PHF3: variants seen among roughly 807,000 people sequenced by gnomAD.
The protein encoded by PHF3 is PHD finger protein 3.
A neutral mutation model predicts 178.4 loss-of-function variants in PHF3; 41 were observed. The ratio of observed to expected loss-of-function variants is 0.23; its 90% CI spans 0.18 to 0.30. The LOEUF (loss-of-function observed/expected upper bound fraction) is 0.30. PHF3 is among the 10% of genes least tolerant of loss of function. PHF3 has a pLI of 1.00. For missense variants in PHF3, 2,346 were observed against 2,398.1 expected, an observed-to-expected ratio of 0.98 and a Z score of 0.45; for synonymous variants, 842 against 800.5, an observed-to-expected ratio of 1.05 and a Z score of -0.88.
chr6:63,711,645 C>A lies in PHF3; in HGVS notation c.4057C>A (p.Arg1353=), dbSNP rs770279290. Residue 1353 remains arginine (R), a synonymous_variant, in exon 16 of 16, where the codon CGA becomes AGA. Coordinates refer to ENST00000262043, the MANE Select transcript of PHF3 (RefSeq NM_001370348.2). ...CTTAATTATTCGTCAGAAACTGAAGCGACAGCACAGTGCCTGTGCTAGTAC... is the reference window on the plus strand; with the variant it reads ...CTTAATTATTCGTCAGAAACTGAAGAGACAGCACAGTGCCTGTGCTAGTAC... The part of the protein sequence containing the change: ...LGLIIRQKLK[R]QHSACASTSH... 3 of 1,608,428 alleles carry A rather than the reference C, an allele frequency of 1.9e-6. No individual in the cohort carries two copies. The African/African-American group carries it at 4.0e-5, about 22-fold the overall frequency.
At chr6:63,656,597 C>T (rs1354859377) in intron 2 of PHF3, among the ~76,000 whole-genome samples, 2 of 152,140 alleles carry the variant, frequency 1.3e-5, no homozygotes, top group African/African-American at 4.8e-5. Flanking sequence ...TGCCCAGAGC[C>T]CCCTGAGTTT....
intron 4 of PHF3, among the ~76,000 whole-genome samples, chr6:63,687,235 C>G (rs553041976): frequency 1.5e-4 from 23 of 152,202 alleles, no homozygotes; most frequent in South Asian, 1.5e-3. Flanking sequence ...ACCAGCCTGG[C>G]CAACATGGTG....
intron 5 of PHF3, among the ~76,000 whole-genome samples, chr6:63,693,022 GTCATA>G (rs1767073360): frequency 6.6e-6 from 1 of 152,130 alleles, no homozygotes. Flanking sequence ...GTTCTAGTTT[GTCATA>G]TCCTTGTGGC....
chr6:63,718,803 TTTC>T lies in PHF3; in HGVS notation c.*5101_*5103del, dbSNP rs1348329020. On this transcript the variant is annotated 3_prime_UTR_variant, in exon 16 of 16. Transcript: ENST00000262043. The stretch of plus-strand genomic sequence containing the variant: ...TATGATGGGAGTGTGGTTCAGGCAG[TTTC>T]TTCTTTTGTAAGCTTTCATAAAACA... 4.6e-5 allele frequency among the ~76,000 whole-genome samples: 7 copies of T among 152,030 alleles called. No homozygotes were observed. The highest frequency in any genetic ancestry group is 8.8e-5 in the Non-Finnish European group (6 of 67,926).
chr6:63,674,605 T>G (rs1167896416), intron 2 of PHF3, among the ~76,000 whole-genome samples: 1 of 152,066 alleles, frequency 6.6e-6, no homozygotes, highest in Admixed American at 6.5e-5. Context: ...AAGTAGAGAC[T>G]GGTGATCTCC....
At chr6:63,676,695 G>A (rs1220836302) in intron 2 of PHF3, among the ~76,000 whole-genome samples, 3 of 152,200 alleles carry the variant, frequency 2.0e-5, no homozygotes, top group African/African-American at 4.8e-5. Flanking sequence ...TGGGCTTTAT[G>A]TCTAAATGTG....
At chr6:63,675,623 CA>C in intron 2 of PHF3, among the ~76,000 whole-genome samples, 1 of 151,898 alleles carries the variant, frequency 6.6e-6, no homozygotes, top group East Asian at 1.9e-4. Flanking sequence ...AGCAGGAGTT[CA>C]AAAAAAGATG....
intron 12 of PHF3, 26 bp downstream of exon 12, chr6:63,706,250 T>A (rs1561981489): frequency 1.3e-6 from 2 of 1,543,948 alleles, no homozygotes; most frequent in African/African-American, 2.8e-5. Context: ...GTAAATTCTG[T>A]AATACTCATT....
intron 11 of PHF3, among the ~76,000 whole-genome samples, chr6:63,705,827 G>A (rs893522614): frequency 6.6e-6 from 1 of 152,134 alleles, no homozygotes; most frequent in South Asian, 2.1e-4. Context: ...CTGGCAGTGG[G>A]GAGAACACTA....
chr6:63,685,758 A>G lies in PHF3; in HGVS notation c.2036A>G (p.Lys679Arg). 5 of 1,614,158 alleles carry G rather than the reference A, an allele frequency of 3.1e-6. No individual in the cohort carries two copies. The highest frequency in any genetic ancestry group is 3.4e-6 in the Non-Finnish European group (4 of 1,180,026). The change falls in exon 4 of 16, where the codon AAA becomes AGA. Residue 679 changes from lysine to arginine, a missense_variant. Around this residue, in one of 8 missense-constraint regions of PHF3, gnomAD observed 843 missense variants for 795.2 expected, o/e 1.06. Transcript: ENST00000262043. The stretch of plus-strand genomic sequence containing the variant: ...CAACCCCGCCAAAGAAGAAGCAGCA[A>G]AAGTTTTTCTTTAGATGAGCCACCA... ...NLQPRQRRSS[K>R]SFSLDEPPLF...
At chr6:63,706,318 G>A in intron 12 of PHF3, 94 bp downstream of exon 12, 1 of 909,342 alleles carries the variant, frequency 1.1e-6, no homozygotes, top group Admixed American at 2.8e-5. Flanking sequence ...TGACATTTTG[G>A]GAACCTCTCA....
intron 1 of PHF3, among the ~76,000 whole-genome samples, chr6:63,643,067 G>A (rs976736615): frequency 6.6e-6 from 1 of 151,628 alleles, no homozygotes; most frequent in Non-Finnish European, 1.5e-5. Context: ...TATTATTGGT[G>A]TATTACCAAT....
chr6:63,723,600 C>T lies in PHF3; in HGVS notation c.*9892C>T, dbSNP rs1768493004. Among the ~76,000 whole-genome samples, 1 of 151,936 alleles carries T rather than the reference C, an allele frequency of 6.6e-6. No individual in the cohort carries two copies. The highest frequency in any genetic ancestry group is 2.4e-5 in the African/African-American group (1 of 41,370). ...TCATGTTGCCAACCAGAAGAAAGAG[C>T]AAGGATAGCTTCTGCGAAGAAAGGA... On this transcript the variant is annotated 3_prime_UTR_variant, in exon 16 of 16. Coordinates refer to ENST00000262043, the MANE Select transcript of PHF3 (RefSeq NM_001370348.2).
rs995233263 is a variant in PHF3, at chr6:63,715,726, T to A, written c.*2018T>A. Among the ~76,000 whole-genome samples the A allele has an allele frequency of 6.6e-6, 1 of 152,102 alleles. No homozygotes were observed. Among genetic ancestry groups the A allele is most frequent in the Non-Finnish European group, 1.5e-5 (1 of 68,008 alleles). ...CATCTCCAGGGGTTAGAGGCAGATC[T>A]TGTAACCGCTGATTGACTGAAACAT... On this transcript the variant is annotated 3_prime_UTR_variant, in exon 16 of 16. Transcript: ENST00000262043.
Position 63,713,883 on chromosome 6 carries a change from A to G in PHF3, c.*175A>G, listed in dbSNP as rs1582132184. 1 of 468,222 alleles carries G rather than the reference A, an allele frequency of 2.1e-6. No individual in the cohort carries two copies. Among genetic ancestry groups the G allele is most frequent in the East Asian group, 3.4e-5 (1 of 29,734 alleles). The allele number at this position is 468,222 out of a possible 1,614,324, so 29.0% of individuals were successfully genotyped here. On this transcript the variant is annotated 3_prime_UTR_variant, in exon 16 of 16. Transcript: ENST00000262043. ...AGAGTGCTCTGTACCAGTGCTCATC[A>G]TCCCTTCTTCATACCAACGGTCCCT...
chr6:63,701,030 GAATT>G (rs1767452371), intron 9 of PHF3, among the ~76,000 whole-genome samples: 1 of 152,160 alleles, frequency 6.6e-6, no homozygotes, highest in African/African-American at 2.4e-5. Context: ...GATGGGAAAA[GAATT>G]AACATCTTTT....
chr6:63,679,733 A>G (rs1481313385), intron 2 of PHF3: 3 of 460,082 alleles, frequency 6.5e-6, no homozygotes, highest in Non-Finnish European at 1.3e-5. Context: ...AATAAATGGA[A>G]GTGATATTTG....
At chr6:63,695,016 G>C (rs1389250833) in intron 6 of PHF3, among the ~76,000 whole-genome samples, 1 of 152,178 alleles carries the variant, frequency 6.6e-6, no homozygotes, top group Admixed American at 6.6e-5. Flanking sequence ...ATGGAAGAAG[G>C]CAGTAAGTTT....
intron 2 of PHF3, among the ~76,000 whole-genome samples, chr6:63,668,083 G>A (rs941232315): frequency 1.3e-5 from 2 of 152,100 alleles, no homozygotes; most frequent in African/African-American, 2.4e-5. Flanking sequence ...GATGATATTC[G>A]CTGGAGTCAG....
Sources: gnomAD v4.1 joint callset for allele counts (sites outside exome capture counted in the v4.1 genomes callset) on GRCh38, gnomAD v4.1.1 for gene constraint, gnomAD v4.1.1 regional missense constraint, MANE v1.5 for transcripts, NCBI Gene and HGNC (gene_info 2026-07-23, HGNC 2026-07-21) for gene names.